RYR2: variants seen among roughly 807,000 people sequenced by gnomAD.
RYR2 encodes cardiac muscle ryanodine receptor-calcium release channel.
RYR2 carries 227 observed loss-of-function variants against 601.1 expected under a neutral mutation model. That is an observed-to-expected ratio of 0.38 (90% CI 0.34 to 0.42). The LOEUF (loss-of-function observed/expected upper bound fraction) is 0.42. RYR2 is among the 10% of genes least tolerant of loss of function. The pLI, the probability that RYR2 is intolerant of heterozygous loss-of-function variation, is 1.00. For synonymous variants in RYR2, 2,223 were observed against 2,175.1 expected (o/e 1.02, Z -0.61); for missense variants, 4,646 against 6,156.5 (o/e 0.75, Z 8.21).
chr1:237,565,442 A>T (rs1572896467), intron 27 of RYR2, among the ~76,000 whole-genome samples: 1 of 151,266 alleles, frequency 6.6e-6, no homozygotes, highest in Non-Finnish European at 1.5e-5. Context: ...GAATTTTTAA[A>T]CTCTTTGTAG....
intron 47 of RYR2, among the ~76,000 whole-genome samples, chr1:237,641,603 A>G (rs1264413937): frequency 6.7e-6 from 1 of 149,254 alleles, no homozygotes; most frequent in East Asian, 2.0e-4. Context: ...GTGCAGTGGC[A>G]TGATCTCAGC....
At chr1:237,204,908 T>A (rs1380496453) in intron 1 of RYR2, among the ~76,000 whole-genome samples, 1 of 152,096 alleles carries the variant, frequency 6.6e-6, no homozygotes, top group African/African-American at 2.4e-5. Flanking sequence ...GGAGGCAGAT[T>A]CTTTGCAGGC....
At chr1:237,240,323 A>G (rs1686011974) in intron 1 of RYR2, among the ~76,000 whole-genome samples, 1 of 152,146 alleles carries the variant, frequency 6.6e-6, no homozygotes, top group Admixed American at 6.6e-5. Context: ...ATAATCCCTC[A>G]AAAAAGTGAA....
chr1:237,519,503 C>T (rs1270920643), intron 24 of RYR2, among the ~76,000 whole-genome samples: 2 of 152,170 alleles, frequency 1.3e-5, no homozygotes, highest in Non-Finnish European at 2.9e-5. Flanking sequence ...ATATGGCCAT[C>T]CAGTTTTCCC....
chr1:237,617,580 T>A (rs1418713599), intron 38 of RYR2, 94 bp downstream of exon 38: 16 of 1,167,340 alleles, frequency 1.4e-5, no homozygotes, highest in Non-Finnish European at 1.8e-5. Flanking sequence ...ACACGTCTTG[T>A]TTTCCTTGTT....
intron 80 of RYR2, among the ~76,000 whole-genome samples, chr1:237,749,388 G>A (rs1217666519): frequency 2.6e-5 from 4 of 151,968 alleles, no homozygotes; most frequent in Non-Finnish European, 5.9e-5. Flanking sequence ...ATATATATAA[G>A]GCACTCAGAA....
chr1:237,123,020 T>C (rs1411132149), intron 1 of RYR2, among the ~76,000 whole-genome samples: 2 of 152,226 alleles, frequency 1.3e-5, no homozygotes, highest in Admixed American at 6.5e-5. Flanking sequence ...TAGGGGTGGA[T>C]TGTGTATTAT....
At chr1:237,081,188 C>T (rs1665574810) in intron 1 of RYR2, among the ~76,000 whole-genome samples, 1 of 125,010 alleles carries the variant, frequency 8.0e-6, no homozygotes, top group African/African-American at 3.1e-5. Context: ...CTAGATGACA[C>T]ATTAGTGGGT....
chr1:237,572,172 A>G (rs1194872741), intron 29 of RYR2, among the ~76,000 whole-genome samples: 2 of 152,100 alleles, frequency 1.3e-5, no homozygotes, highest in African/African-American at 2.4e-5. Flanking sequence ...GGGATGTCAA[A>G]GTATTAGTGG....
chr1:237,409,097 C>A (rs1378839937), intron 10 of RYR2, among the ~76,000 whole-genome samples: 1 of 151,952 alleles, frequency 6.6e-6, no homozygotes. Flanking sequence ...GGTAAATAAT[C>A]ATGTCATCTA....
At chr1:237,430,604 T>C (rs1706709792) in intron 12 of RYR2, among the ~76,000 whole-genome samples, 1 of 152,160 alleles carries the variant, frequency 6.6e-6, no homozygotes, top group African/African-American at 2.4e-5. Flanking sequence ...AATGTATCTC[T>C]GGATTATTTT....
intron 1 of RYR2, among the ~76,000 whole-genome samples, chr1:237,140,489 G>A (rs1478739616): frequency 1.3e-5 from 2 of 152,148 alleles, no homozygotes; most frequent in Non-Finnish European, 2.9e-5. Context: ...CCAATTGGGG[G>A]TGTCTGAAAT....
Position 237,542,106 on chromosome 1 carries a change from ATTTT to A in RYR2, c.2907-6324_2907-6321del, listed in dbSNP as rs1669350514. Among the ~76,000 whole-genome samples the A allele has an allele frequency of 2.2e-5, 3 of 136,248 alleles. No homozygotes were observed. The South Asian group carries it at 7.3e-4, about 33-fold the overall frequency. 89.4% of individuals were successfully genotyped at this position (136,248 alleles called of 152,430 possible). On this transcript the variant is annotated intron_variant, in intron 25 of 104. Coordinates refer to ENST00000366574, the MANE Select transcript of RYR2 (RefSeq NM_001035.3). ...TATTTATTTATTTATTTATTTATTT[ATTTT>A]GAGACAGAGTTTCACTCTTGTTGCC...
chr1:237,442,770 G>A (rs1708023338), intron 13 of RYR2, among the ~76,000 whole-genome samples: 2 of 152,010 alleles, frequency 1.3e-5, no homozygotes, highest in Admixed American at 1.3e-4. Flanking sequence ...CATTGCCTAT[G>A]CTCTTGGTAA....
intron 12 of RYR2, among the ~76,000 whole-genome samples, chr1:237,427,768 G>T (rs12126174): frequency 0.11 from 11,361 of 104,022 alleles, 778 homozygotes; most frequent in East Asian, 0.31. Context: ...GGGCAACAGA[G>T]CAAGACTCTG....
At chr1:237,465,941 A>G (rs1158687066) in intron 16 of RYR2, among the ~76,000 whole-genome samples, 1 of 152,232 alleles carries the variant, frequency 6.6e-6, no homozygotes, top group Non-Finnish European at 1.5e-5. Context: ...TATGCAGCAT[A>G]TGAAGTAGTG....
intron 1 of RYR2, among the ~76,000 whole-genome samples, chr1:237,197,429 C>G (rs932035490): frequency 3.3e-5 from 5 of 152,120 alleles, no homozygotes; most frequent in African/African-American, 1.2e-4. Flanking sequence ...TTTTCTGTGT[C>G]TTAATATCTT....
rs1169529645 is a variant in RYR2, at chr1:237,634,871, C to T, written c.6689-18C>T. 2.5e-6 allele frequency: 4 copies of T among 1,578,356 alleles called. No individual in the cohort carries two copies. The highest frequency in any genetic ancestry group is 1.7e-4 in the Middle Eastern group (1 of 6,052). Reference sequence around the variant, plus strand: ...CAGCACGATCCAGGTTATATTTCATCTTCATTTGAATTAATAGCCTCCCCA... The same window carrying T: ...CAGCACGATCCAGGTTATATTTCATTTTCATTTGAATTAATAGCCTCCCCA... On this transcript the variant is annotated intron_variant, in intron 43 of 104. Transcript: ENST00000366574.
chr1:237,389,512 G>A (rs1364635692), intron 10 of RYR2, among the ~76,000 whole-genome samples: 1 of 152,178 alleles, frequency 6.6e-6, no homozygotes, highest in Non-Finnish European at 1.5e-5. Context: ...GAAATGAAAT[G>A]CAGTAATTCG....
Sources: gnomAD v4.1 joint callset for allele counts (sites outside exome capture counted in the v4.1 genomes callset) on GRCh38, gnomAD v4.1.1 for gene constraint, MANE v1.5 for transcripts, NCBI Gene and HGNC (gene_info 2026-07-23, HGNC 2026-07-21) for gene names.